CCSER2: variants seen among roughly 807,000 people sequenced by gnomAD.
The protein encoded by CCSER2 is coiled-coil serine rich protein 2.
In CCSER2, 46 loss-of-function variants were observed where a neutral mutation model predicts 92.3. The observed-to-expected ratio is 0.50, with a 90% CI of 0.39 to 0.64. The LOEUF is 0.64. Ranked by LOEUF, CCSER2 falls within the 30% of genes least tolerant of loss-of-function variation. The pLI, the probability that CCSER2 is intolerant of heterozygous loss-of-function variation, is 0.00. For synonymous variants in CCSER2, 433 were observed against 431.4 expected, an observed-to-expected ratio of 1.00 and a Z score of -0.04; for missense variants, 1,244 against 1,238.9, an observed-to-expected ratio of 1.00 and a Z score of -0.06.
intron 3 of CCSER2, among the ~76,000 whole-genome samples, chr10:84,399,492 C>G (rs185576834): frequency 3.5e-4 from 54 of 152,242 alleles, no homozygotes; most frequent in African/African-American, 1.3e-3. Context: ...GATAGGAACA[C>G]TGGATTAGAA....
intron 3 of CCSER2, among the ~76,000 whole-genome samples, chr10:84,379,493 T>C (rs576724917): frequency 6.6e-6 from 1 of 152,276 alleles, no homozygotes; most frequent in African/African-American, 2.4e-5. Flanking sequence ...AACTAGATAA[T>C]TGATTTTTAG....
chr10:84,463,225 C>T (rs1182207139), intron 6 of CCSER2, among the ~76,000 whole-genome samples: 2 of 152,144 alleles, frequency 1.3e-5, no homozygotes, highest in African/African-American at 2.4e-5. Context: ...GCATGAGATA[C>T]ATCCAGTAAA....
At position 84,463,919 on chromosome 10, in the gene CCSER2, C is replaced by G; in HGVS notation, c.2065-14C>G. 6.3e-7 allele frequency: 1 copy of G among 1,576,812 alleles called. No homozygotes were observed. Among genetic ancestry groups the G allele is most frequent in the Non-Finnish European group, 8.7e-7 (1 of 1,147,598 alleles). On this transcript the variant is annotated splice_polypyrimidine_tract_variant and intron_variant, in intron 6 of 9. Transcript: ENST00000372088. ...TATATTAATCTAGTGTTTTTCTTCC[C>G]TTCTTTCTGACAGCATGATGGAAGT...
intron 6 of CCSER2, chr10:84,455,263 TTC>T (rs1187153970): frequency 7.4e-6 from 1 of 134,524 alleles, no homozygotes; most frequent in Admixed American, 8.0e-5. Context: ...CTTTCTTTTT[TTC>T]TTTTTCTTTT....
chr10:84,475,494 T>A (rs546058303), intron 8 of CCSER2, among the ~76,000 whole-genome samples: 1 of 150,836 alleles, frequency 6.6e-6, no homozygotes, highest in African/African-American at 2.4e-5. Flanking sequence ...CTACTTAGGA[T>A]TTTTTGATTA....
intron 9 of CCSER2, among the ~76,000 whole-genome samples, chr10:84,502,268 G>A (rs1208906117): frequency 1.3e-5 from 2 of 151,678 alleles, no homozygotes; most frequent in Non-Finnish European, 2.9e-5. Flanking sequence ...TCAATATGTG[G>A]GTCCTAGTAC....
At chr10:84,457,250 A>ATAATATG (rs1845695356) in intron 6 of CCSER2, among the ~76,000 whole-genome samples, 2 of 60,214 alleles carry the variant, frequency 3.3e-5, no homozygotes, top group African/African-American at 1.3e-4. Context: ...TATATTATAT[A>ATAATATG]TTATATAAAA....
chr10:84,475,414 A>G, intron 8 of CCSER2, among the ~76,000 whole-genome samples: 1 of 152,200 alleles, frequency 6.6e-6, no homozygotes, highest in Non-Finnish European at 1.5e-5. Flanking sequence ...TGGAAAACTC[A>G]TATATTTGCC....
intron 1 of CCSER2, among the ~76,000 whole-genome samples, chr10:84,338,398 T>A (rs1418485165): frequency 6.6e-6 from 1 of 152,018 alleles, no homozygotes; most frequent in Non-Finnish European, 1.5e-5. Flanking sequence ...TCCAGCTTAC[T>A]TTTTTTTCTT....
At chr10:84,389,599 A>G (rs1589521684) in intron 3 of CCSER2, 2 of 193,340 alleles carry the variant, frequency 1.0e-5, no homozygotes, top group Non-Finnish European at 2.1e-5. Flanking sequence ...CTTTGATCTC[A>G]AAGCTGGGGT....
intron 6 of CCSER2, among the ~76,000 whole-genome samples, chr10:84,442,329 G>C (rs778971522): frequency 1.2e-4 from 19 of 152,270 alleles, no homozygotes; most frequent in Non-Finnish European, 2.2e-4. Context: ...GATTTGGACA[G>C]ATCAGCTATA....
chr10:84,517,861 T>C lies in CCSER2; in HGVS notation c.*3594T>C, dbSNP rs1849648236. ...TGGTTTCTGAGCAGAGTTGTCATACTGGTTTCCTGGTCTCTAGGGCACTGG... is the reference window on the plus strand; with the variant it reads ...TGGTTTCTGAGCAGAGTTGTCATACCGGTTTCCTGGTCTCTAGGGCACTGG... On this transcript the variant is annotated 3_prime_UTR_variant, in exon 10 of 10. Coordinates refer to ENST00000372088, the MANE Select transcript of CCSER2 (RefSeq NM_001284240.2). The C allele has an allele frequency of 6.5e-6, 1 of 152,676 alleles. No individual in the cohort carries two copies. The highest frequency in any genetic ancestry group is 1.5e-5 in the Non-Finnish European group (1 of 68,056). The allele number at this position is 152,676 out of a possible 1,614,324, so 9.5% of individuals were successfully genotyped here. A position where few individuals can be genotyped will look rare whatever the true frequency, so the allele number is the denominator to read the frequency against.
chr10:84,378,580 G>A (rs560405390), intron 3 of CCSER2, among the ~76,000 whole-genome samples: 8 of 151,768 alleles, frequency 5.3e-5, no homozygotes, highest in South Asian at 2.1e-4. Flanking sequence ...GATTACAGGC[G>A]CCTGCCATCA....
chr10:84,471,655 T>A (rs2133712820), intron 8 of CCSER2, among the ~76,000 whole-genome samples: 1 of 152,210 alleles, frequency 6.6e-6, no homozygotes, highest in African/African-American at 2.4e-5. Flanking sequence ...GAGATAAAGA[T>A]TAAAATGAAT....
At chr10:84,457,526 T>C (rs1845811752) in intron 6 of CCSER2, among the ~76,000 whole-genome samples, 1 of 119,106 alleles carries the variant, frequency 8.4e-6, no homozygotes, top group Middle Eastern at 3.9e-3. Context: ...TTATATATAA[T>C]ATATGTATAA....
At chr10:84,512,604 G>C (rs1425647470) in intron 9 of CCSER2, among the ~76,000 whole-genome samples, 1 of 152,138 alleles carries the variant, frequency 6.6e-6, no homozygotes, top group South Asian at 2.1e-4. Flanking sequence ...TACACAATGA[G>C]CTTCAGGGAA....
At chr10:84,339,242 A>G (rs1478417576) in intron 1 of CCSER2, among the ~76,000 whole-genome samples, 3 of 151,352 alleles carry the variant, frequency 2.0e-5, no homozygotes, top group Non-Finnish European at 4.4e-5. Flanking sequence ...AGTGTCAAGC[A>G]ATTTTCCCAC....
intron 9 of CCSER2, among the ~76,000 whole-genome samples, chr10:84,490,551 A>G (rs1848096629): frequency 6.6e-6 from 1 of 152,172 alleles, no homozygotes; most frequent in Non-Finnish European, 1.5e-5. Context: ...AAGCTTGTGC[A>G]TTCGTCACGT....
At chr10:84,451,122 C>T (rs930283295) in intron 6 of CCSER2, among the ~76,000 whole-genome samples, 3 of 151,616 alleles carry the variant, frequency 2.0e-5, no homozygotes, top group African/African-American at 7.3e-5. Context: ...CCCTTTAGAG[C>T]AGGGTATAAT....
Sources: gnomAD v4.1 joint callset for allele counts (sites outside exome capture counted in the v4.1 genomes callset) on GRCh38, gnomAD v4.1.1 for gene constraint, MANE v1.5 for transcripts, NCBI Gene and HGNC (gene_info 2026-07-23, HGNC 2026-07-21) for gene names.